CS: variants seen among roughly 807,000 people sequenced by gnomAD.
CS encodes citrate synthase, mitochondrial.
A neutral mutation model predicts 61.4 loss-of-function variants in CS; 13 were observed. The observed-to-expected ratio is 0.21, with a 90% confidence interval of 0.14 to 0.34. The LOEUF (loss-of-function observed/expected upper bound fraction) is 0.34. Ranked by LOEUF, CS falls within the 10% of genes least tolerant of loss-of-function variation. The pLI, the probability that CS is intolerant of heterozygous loss-of-function variation, is 1.00. For synonymous variants in CS, 159 were observed against 215.2 expected (o/e 0.74, Z 2.29); for missense variants, 278 against 573.4 (o/e 0.48, Z 5.26).
At chr12:56,295,750 C>T (rs532001327) in intron 1 of CS, among the ~76,000 whole-genome samples, 4 of 150,852 alleles carry the variant, frequency 2.7e-5, no homozygotes, top group Admixed American at 2.0e-4. Flanking sequence ...GTCAGGAGAT[C>T]GAGACCATCC....
chr12:56,298,570 TA>T (rs1873380195), intron 1 of CS: 1 of 953,404 alleles, frequency 1.0e-6, no homozygotes, highest in Non-Finnish European at 1.2e-6. Flanking sequence ...GCCAAAACGC[TA>T]TCTAGAACTT....
intron 7 of CS, 169 bp from the exon 8 acceptor site, chr12:56,275,300 C>T: frequency 1.4e-6 from 1 of 736,758 alleles, no homozygotes; most frequent in Non-Finnish European, 2.2e-6. Flanking sequence ...CTTGGCCAGG[C>T]ACAGTGGCTC....
Position 56,276,107 on chromosome 12 carries a change from C to A in CS, c.677G>T (p.Gly226Val). ...CAGGTTAGAGTCAATGGCCCCAATA[C>A]CGCTGCCTTCTCTGTAGAGATTTCG... Reference protein sequence around the residue: ...IYRNLYREGSGIGAIDSNLDW... With the variant: ...IYRNLYREGSVIGAIDSNLDW... The change falls in exon 7 of 11, where the codon GGT becomes GTT. Residue 226 changes from glycine to valine, a missense_variant. This residue lies in a region of CS where 223 missense variants were observed against 503.5 expected (regional missense o/e 0.44). Coordinates refer to ENST00000351328, the MANE Select transcript of CS (RefSeq NM_004077.3). 1 of 1,614,102 alleles carries A rather than the reference C, an allele frequency of 6.2e-7. No individual in the cohort carries two copies. Among genetic ancestry groups the A allele is most frequent in the Non-Finnish European group, 8.5e-7 (1 of 1,180,032 alleles).
rs752794139 is a variant in CS, at chr12:56,283,002, G to A, written c.268-11C>T. The A allele has an allele frequency of 1.9e-6, 3 of 1,613,454 alleles. No individual in the cohort carries two copies. The highest frequency in any genetic ancestry group is 2.7e-5 in the African/African-American group (2 of 74,900). On this transcript the variant is annotated splice_polypyrimidine_tract_variant and intron_variant, in intron 4 of 10. Transcript: ENST00000351328. ...TCGGAAACGGATGCCCTTGAGAGAG[G>A]AGAGAGAGAATTACAACTCAAGTTT...
chr12:56,297,463 C>G (rs780385755), intron 1 of CS, among the ~76,000 whole-genome samples: 6 of 152,164 alleles, frequency 3.9e-5, no homozygotes, highest in Admixed American at 1.3e-4. Flanking sequence ...AGAACAATGA[C>G]TAATTCACAT....
intron 1 of CS, among the ~76,000 whole-genome samples, chr12:56,289,093 T>C (rs1873033978): frequency 6.6e-6 from 1 of 152,168 alleles, no homozygotes; most frequent in African/African-American, 2.4e-5. Flanking sequence ...TTTTCTTAAC[T>C]TCCTCAAGAG....
At chr12:56,293,004 G>A (rs190493006) in intron 1 of CS, among the ~76,000 whole-genome samples, 49 of 152,226 alleles carry the variant, frequency 3.2e-4, no homozygotes, top group African/African-American at 1.2e-3. Context: ...TCAAACAGGA[G>A]GCTGAGGCAG....
chr12:56,277,664 T>C (rs1367165781), intron 6 of CS, among the ~76,000 whole-genome samples: 1 of 140,778 alleles, frequency 7.1e-6, no homozygotes, highest in Non-Finnish European at 1.5e-5. Flanking sequence ...GGATTCTCGC[T>C]CTGTCGCCGA....
chr12:56,288,162 A>G (rs117234536), intron 1 of CS, among the ~76,000 whole-genome samples: 258 of 152,282 alleles, frequency 1.7e-3, no homozygotes, highest in Non-Finnish European at 2.6e-3. Context: ...TACAGTGGAT[A>G]TAAAAGTGCT....
At chr12:56,286,094 C>G (rs940204494) in intron 2 of CS, 71 bp from the exon 3 acceptor site, 1 of 1,349,810 alleles carries the variant, frequency 7.4e-7, no homozygotes, top group African/African-American at 1.4e-5. Context: ...GTAGGTGTGT[C>G]AAGAATTTGC....
chr12:56,272,980 G>A lies in CS; in HGVS notation c.*104C>T, dbSNP rs1872550243. On this transcript the variant is annotated 3_prime_UTR_variant, in exon 11 of 11. Transcript: ENST00000351328. ...CCTCAAACATATTATCAGTGCCTCAGATATAATTTAATCTTAAGTCTTTAA... is the reference window on the plus strand; with the variant it reads ...CCTCAAACATATTATCAGTGCCTCAAATATAATTTAATCTTAAGTCTTTAA... The A allele has an allele frequency of 3.0e-6, 2 of 657,010 alleles. No individual in the cohort carries two copies. Among genetic ancestry groups the A allele is most frequent in the Non-Finnish European group, 5.4e-6 (2 of 372,334 alleles). 40.7% of individuals were successfully genotyped at this position (657,010 alleles called of 1,614,324 possible). A position where few individuals can be genotyped will look rare whatever the true frequency, so the allele number is the denominator to read the frequency against.
At chr12:56,285,230 G>A (rs771652730) in intron 3 of CS, 2 of 446,208 alleles carry the variant, frequency 4.5e-6, no homozygotes, top group South Asian at 3.2e-5. Context: ...ACAGGCATGA[G>A]CCACTGCAAC....
At chr12:56,290,161 G>A (rs755171251) in intron 1 of CS, among the ~76,000 whole-genome samples, 2 of 152,122 alleles carry the variant, frequency 1.3e-5, no homozygotes, top group Non-Finnish European at 2.9e-5. Flanking sequence ...CTCCCAAAGT[G>A]CTGGGATTAC....
In CS at chr12:56,286,595, C is replaced by T. The variant is rs778729517; in HGVS notation, c.93G>A (p.Thr31=). The T allele has an allele frequency of 1.9e-6, 3 of 1,613,872 alleles. No individual in the cohort carries two copies. Among genetic ancestry groups the T allele is most frequent in the Non-Finnish European group, 8.5e-7 (1 of 1,179,860 alleles). The change falls in exon 2 of 11, where the codon ACG becomes ACA. Residue 31 remains threonine (T), a splice_region_variant and synonymous_variant. Transcript: ENST00000351328. The part of the protein sequence containing the change: ...LAARHASASS[T]NLKDILADLI... ...CTTAGTCTTCTTTTCCAAACCTTAC[C>T]GTGGAGGAAGCACTGGCATGCCGGG...
chr12:56,279,466 G>A (rs1051466811), intron 6 of CS, among the ~76,000 whole-genome samples: 6 of 152,066 alleles, frequency 3.9e-5, no homozygotes, highest in African/African-American at 1.2e-4. Context: ...GTGAAACCCC[G>A]TCTCTATTAA....
intron 6 of CS, among the ~76,000 whole-genome samples, chr12:56,278,512 G>T (rs567543343): frequency 1.1e-4 from 16 of 152,172 alleles, no homozygotes; most frequent in Admixed American, 9.2e-4. Flanking sequence ...GCTGAGGAGC[G>T]CGGATCAAGA....
intron 1 of CS, among the ~76,000 whole-genome samples, chr12:56,290,835 C>G (rs1470934658): frequency 6.6e-6 from 1 of 152,210 alleles, no homozygotes; most frequent in East Asian, 1.9e-4. Context: ...CTACTTAACT[C>G]AGAGTCTGAT....
At chr12:56,286,287 C>T (rs900678164) in intron 2 of CS, 1 of 547,924 alleles carries the variant, frequency 1.8e-6, no homozygotes, top group African/African-American at 1.9e-5. Flanking sequence ...AACATATCTA[C>T]TGCCACTAAA....
At chr12:56,294,473 CAAAAAA>C (rs1227364181) in intron 1 of CS, among the ~76,000 whole-genome samples, 2 of 36,918 alleles carry the variant, frequency 5.4e-5, no homozygotes, top group Admixed American at 5.5e-4. Flanking sequence ...GACTCTGTCT[CAAAAAA>C]AAAAAAAAAA....
Sources: allele counts gnomAD v4.1 joint callset (sites outside exome capture counted in the v4.1 genomes callset), GRCh38; gene constraint gnomAD v4.1.1; regional missense constraint gnomAD v4.1.1; transcripts MANE v1.5; gene names NCBI Gene and HGNC (gene_info 2026-07-23, HGNC 2026-07-21).